The following CSMD1 variants were observed in gnomAD, a reference collection of about 807,000 sequenced individuals.
CSMD1 encodes CUB and sushi domain-containing protein 1.
A neutral mutation model predicts 417.5 loss-of-function variants in CSMD1; 213 were observed. The observed-to-expected ratio is 0.51, with a 90% CI of 0.46 to 0.57. The LOEUF is 0.57. CSMD1 is among the 20% of genes least tolerant of loss of function. CSMD1 has a pLI of 0.00. For synonymous variants in CSMD1, 2,862 were observed against 1,736.8 expected (o/e 1.65, Z -16.11); for missense variants, 6,923 against 4,529.7 (o/e 1.53, Z -15.17).
At chr8:4,449,570 T>A (rs1343909403) in intron 2 of CSMD1, among the ~76,000 whole-genome samples, 1 of 152,202 alleles carries the variant, frequency 6.6e-6, no homozygotes, top group Non-Finnish European at 1.5e-5. Flanking sequence ...CTCATCTAAT[T>A]ATTTAGCCAT....
At position 4,163,603 on chromosome 8, in the gene CSMD1, T is replaced by C. The variant is rs865827190; in HGVS notation, c.416-131504A>G. On this transcript the variant is annotated intron_variant, in intron 3 of 69. Transcript: ENST00000635120. ...ATAAAACTTCCTGTTTTAAAGTGAG[T>C]GTTTTTTCAAAACTCTGTTGACTAT... is the stretch of plus-strand genomic sequence containing the variant. 1.4e-4 allele frequency among the ~76,000 whole-genome samples: 21 copies of C among 152,272 alleles called. 1 individual carries two copies. Among genetic ancestry groups the C allele is most frequent in the Middle Eastern group, 3.4e-3 (1 of 294 alleles).
intron 2 of CSMD1, among the ~76,000 whole-genome samples, chr8:4,520,999 G>T (rs1585196335): frequency 6.6e-6 from 1 of 151,994 alleles, no homozygotes; most frequent in Non-Finnish European, 1.5e-5. Flanking sequence ...TCATTATATT[G>T]CTGTTGCCCA....
chr8:4,340,933 C>T (rs1412965159), intron 3 of CSMD1, among the ~76,000 whole-genome samples: 1 of 152,000 alleles, frequency 6.6e-6, no homozygotes, highest in African/African-American at 2.4e-5. Context: ...ATTTCTAGGC[C>T]TGAGAGAATG....
chr8:4,301,635 C>T (rs879658707), intron 3 of CSMD1, among the ~76,000 whole-genome samples: 11 of 152,188 alleles, frequency 7.2e-5, no homozygotes, highest in Admixed American at 3.3e-4. Context: ...GTGGCACTGG[C>T]TGTTTTCTGC....
At chr8:3,838,268 G>A (rs1013871296) in intron 5 of CSMD1, among the ~76,000 whole-genome samples, 2 of 151,958 alleles carry the variant, frequency 1.3e-5, no homozygotes, top group Admixed American at 6.6e-5. Context: ...GGGCATAATG[G>A]CTCACACCTG....
chr8:4,501,354 T>C (rs1356421864), intron 2 of CSMD1, among the ~76,000 whole-genome samples: 3 of 152,182 alleles, frequency 2.0e-5, no homozygotes, highest in African/African-American at 2.4e-5. Flanking sequence ...ATTTAAGGTA[T>C]TCTTTTTATT....
intron 3 of CSMD1, among the ~76,000 whole-genome samples, chr8:4,257,487 A>G (rs1803544226): frequency 1.3e-5 from 2 of 152,166 alleles, no homozygotes; most frequent in South Asian, 4.1e-4. Context: ...ATATATTTCT[A>G]TTAATTTTCA....
chr8:3,433,502 A>G (rs542313616), intron 12 of CSMD1, among the ~76,000 whole-genome samples: 11 of 151,958 alleles, frequency 7.2e-5, no homozygotes, highest in African/African-American at 2.4e-4. Context: ...TTCTTGGTTC[A>G]TTTTTCAAGA....
intron 6 of CSMD1, among the ~76,000 whole-genome samples, chr8:3,728,272 C>T (rs900626626): frequency 3.3e-5 from 5 of 152,100 alleles, no homozygotes; most frequent in Admixed American, 6.6e-5. Context: ...TTGCCGCCAC[C>T]ATGTAAGACA....
intron 25 of CSMD1, among the ~76,000 whole-genome samples, chr8:3,290,891 C>T (rs1201760023): frequency 2.0e-5 from 3 of 152,044 alleles, no homozygotes; most frequent in Non-Finnish European, 4.4e-5. Context: ...AGAGGGCATC[C>T]TGGTCTTGTG....
intron 2 of CSMD1, among the ~76,000 whole-genome samples, chr8:4,479,774 G>A (rs1800988386): frequency 2.0e-5 from 3 of 151,644 alleles, no homozygotes; most frequent in South Asian, 4.2e-4. Flanking sequence ...ATTCTCTACT[G>A]AGAATTAGAG....
chr8:3,391,428 T>C (rs949398236), intron 17 of CSMD1, among the ~76,000 whole-genome samples: 2 of 152,228 alleles, frequency 1.3e-5, no homozygotes, highest in Admixed American at 1.3e-4. Flanking sequence ...CTTACAAAAT[T>C]ATGACAATTT....
intron 1 of CSMD1, among the ~76,000 whole-genome samples, chr8:4,647,054 A>G (rs904952401): frequency 6.6e-6 from 1 of 152,182 alleles, no homozygotes; most frequent in African/African-American, 2.4e-5. Flanking sequence ...TGAGGCCAAG[A>G]TGGCAGCAAA....
At chr8:4,846,071 C>T (rs539006246) in intron 1 of CSMD1, among the ~76,000 whole-genome samples, 42 of 152,160 alleles carry the variant, frequency 2.8e-4, no homozygotes, top group Non-Finnish European at 5.1e-4. Flanking sequence ...TGTTGTGCTA[C>T]GTCCCAAATC....
At chr8:4,938,953 G>GT (rs34228587) in intron 1 of CSMD1, among the ~76,000 whole-genome samples, 35,662 of 151,922 alleles carry the variant, frequency 0.23, 4,325 homozygotes, top group East Asian at 0.38. Flanking sequence ...TTGGAGAAAT[G>GT]TTATTCTAGT....
intron 3 of CSMD1, among the ~76,000 whole-genome samples, chr8:4,087,366 C>G (rs1200498084): frequency 6.6e-6 from 1 of 152,188 alleles, no homozygotes; most frequent in Non-Finnish European, 1.5e-5. Flanking sequence ...ATTTGCTTCT[C>G]AAAGAACATG....
At chr8:4,638,182 T>G (rs2130861042) in intron 1 of CSMD1, among the ~76,000 whole-genome samples, 1 of 152,308 alleles carries the variant, frequency 6.6e-6, no homozygotes, top group Admixed American at 6.5e-5. Context: ...GGGAACAAAT[T>G]TGGTGCTATC....
At chr8:3,749,963 G>C (rs117568081) in intron 6 of CSMD1, among the ~76,000 whole-genome samples, 2,376 of 152,178 alleles carry the variant, frequency 0.016, 28 homozygotes, top group Middle Eastern at 0.044. Context: ...TGTTCAGCTT[G>C]ATGGTAAAAC....
intron 2 of CSMD1, among the ~76,000 whole-genome samples, chr8:4,601,237 T>C (rs1323723947): frequency 6.6e-6 from 1 of 152,170 alleles, no homozygotes; most frequent in Non-Finnish European, 1.5e-5. Flanking sequence ...ATTACAGGCG[T>C]GAGCCACCGC....
Sources: allele counts gnomAD v4.1 joint callset (sites outside exome capture counted in the v4.1 genomes callset), GRCh38; gene constraint gnomAD v4.1.1; transcripts MANE v1.5; gene names NCBI Gene and HGNC (gene_info 2026-07-23, HGNC 2026-07-21).